The following GATAD2B variants were observed in gnomAD, a reference collection of about 807,000 sequenced individuals.
The protein encoded by GATAD2B is transcriptional repressor p66-beta.
In GATAD2B, 8 loss-of-function variants were observed where a neutral mutation model predicts 64.3. The observed-to-expected ratio is 0.12, with a 90% confidence interval of 0.07 to 0.22. GATAD2B has a LOEUF of 0.22. GATAD2B is among the 10% of genes least tolerant of loss of function. GATAD2B has a pLI of 1.00. For synonymous variants in GATAD2B, 281 were observed against 271.3 expected (o/e 1.04, Z -0.35); for missense variants, 453 against 752.0 (o/e 0.60, Z 4.65).
intron 1 of GATAD2B, among the ~76,000 whole-genome samples, chr1:153,830,715 T>G (rs535674147): frequency 6.6e-6 from 1 of 151,826 alleles, no homozygotes; most frequent in East Asian, 1.9e-4. Context: ...GACCTCGTGA[T>G]CCGCCCGCCT....
chr1:153,901,856 T>TAAC (rs59672637), intron 1 of GATAD2B, among the ~76,000 whole-genome samples: 1 of 142,292 alleles, frequency 7.0e-6, no homozygotes, highest in Non-Finnish European at 1.5e-5. Flanking sequence ...AATAAATAAA[T>TAAC]TAAATAAAAT....
chr1:153,865,415 C>T (rs371205629), intron 1 of GATAD2B, among the ~76,000 whole-genome samples: 1 of 151,848 alleles, frequency 6.6e-6, no homozygotes, highest in Non-Finnish European at 1.5e-5. Flanking sequence ...GAGCTGAGAT[C>T]GTGCCACTGC....
intron 2 of GATAD2B, among the ~76,000 whole-genome samples, chr1:153,823,487 A>T (rs546036733): frequency 1.3e-5 from 2 of 152,314 alleles, no homozygotes; most frequent in Non-Finnish European, 2.9e-5. Flanking sequence ...TTATGTTAAG[A>T]ACTTCTCTTG....
chr1:153,813,123 T>C, intron 8 of GATAD2B, 127 bp downstream of exon 8: 2 of 704,408 alleles, frequency 2.8e-6, no homozygotes, highest in Non-Finnish European at 5.1e-6. Flanking sequence ...GACACAATGA[T>C]AAGGAGACAA....
chr1:153,852,979 A>G, intron 1 of GATAD2B: 3 of 983,630 alleles, frequency 3.0e-6, no homozygotes, highest in African/African-American at 1.6e-5. Flanking sequence ...GGTCTTCTCC[A>G]CAGTGCCAGT....
rs1676783772 is a variant in GATAD2B at position 153,875,136 on chromosome 1, C to T, written c.-1-46788G>A. Among the ~76,000 whole-genome samples the T allele has an allele frequency of 2.6e-5, 4 of 152,212 alleles. No homozygotes were observed. In the South Asian group the frequency reaches 8.3e-4, roughly 32 times the overall value. On this transcript the variant is annotated intron_variant, in intron 1 of 10. Coordinates refer to ENST00000368655, the MANE Select transcript of GATAD2B (RefSeq NM_020699.4). ...CAAGTGATCCTCTTGCCTAGGCCTC[C>T]CAAAGTGCTGGAATTACAGGTGTAA...
chr1:153,864,923 A>T (rs1229803882), intron 1 of GATAD2B, among the ~76,000 whole-genome samples: 2 of 151,918 alleles, frequency 1.3e-5, no homozygotes, highest in Non-Finnish European at 2.9e-5. Context: ...ACAAAAAATC[A>T]GCTGGGCACA....
At chr1:153,900,730 G>A (rs1183015438) in intron 1 of GATAD2B, among the ~76,000 whole-genome samples, 1 of 152,052 alleles carries the variant, frequency 6.6e-6, no homozygotes, top group Non-Finnish European at 1.5e-5. Flanking sequence ...AGGTTTTGGA[G>A]GCCTTAACAT....
rs542241835 is a variant in GATAD2B at position 153,828,892 on chromosome 1, G to T, written c.-1-544C>A. Among the ~76,000 whole-genome samples, 372 of 152,070 alleles carry T rather than the reference G, an allele frequency of 2.4e-3. 2 individuals are homozygous for T. The highest frequency in any genetic ancestry group is 8.6e-3 in the African/African-American group (358 of 41,488). On this transcript the variant is annotated intron_variant, in intron 1 of 10. Coordinates refer to ENST00000368655, the MANE Select transcript of GATAD2B (RefSeq NM_020699.4). ...AATCATTATCTTCCCTTTTCACTTT[G>T]ATTTTTTTTACACTAACAAAATCTA...
intron 1 of GATAD2B, among the ~76,000 whole-genome samples, chr1:153,888,537 T>C (rs370931563): frequency 3.3e-5 from 5 of 152,210 alleles, no homozygotes; most frequent in Admixed American, 2.0e-4. Context: ...CCCTCTATCT[T>C]TGCAGGGGGA....
intron 1 of GATAD2B, among the ~76,000 whole-genome samples, chr1:153,914,923 T>C (rs1678217312): frequency 1.3e-5 from 2 of 151,800 alleles, no homozygotes; most frequent in African/African-American, 4.8e-5. Context: ...CAAGGCTGTG[T>C]TTCAAAAGAA....
chr1:153,815,529 AG>A (rs1469429990), intron 7 of GATAD2B, among the ~76,000 whole-genome samples: 4 of 152,092 alleles, frequency 2.6e-5, no homozygotes, highest in Non-Finnish European at 5.9e-5. Flanking sequence ...TTTCACTTAA[AG>A]TCACAGTTTC....
Position 153,812,050 on chromosome 1 carries a change from G to A in GATAD2B, c.1502C>T (p.Thr501Ile). The A allele has an allele frequency of 6.2e-7, 1 of 1,610,154 alleles. No individual in the cohort carries two copies. Among genetic ancestry groups the A allele is most frequent in the Non-Finnish European group, 8.5e-7 (1 of 1,176,738 alleles). Residue 501 changes from threonine (T) to isoleucine (I), a missense_variant, in exon 9 of 11, where the codon ACC becomes ATC. Coordinates refer to ENST00000368655, the MANE Select transcript of GATAD2B (RefSeq NM_020699.4). ...CCGAAGCGTATGATGTCTCATGATG[G>A]TCTCTTGTTTACTGACACTGGACAC... Reference protein sequence around the residue: ...PAVSSVSKQETIMRHHTLRQA... With the variant: ...PAVSSVSKQEIIMRHHTLRQA...
intron 1 of GATAD2B, among the ~76,000 whole-genome samples, chr1:153,913,722 T>A (rs1030843508): frequency 3.5e-5 from 5 of 142,940 alleles, no homozygotes; most frequent in Non-Finnish European, 7.7e-5. Flanking sequence ...ATCGAGACCA[T>A]CCTGGCTAAC....
chr1:153,885,939 T>C (rs926614104), intron 1 of GATAD2B, among the ~76,000 whole-genome samples: 1 of 151,252 alleles, frequency 6.6e-6, no homozygotes, highest in Non-Finnish European at 1.5e-5. Flanking sequence ...TGATAAATGC[T>C]GTCTGGGAGG....
At chr1:153,834,170 T>C (rs1221580537) in intron 1 of GATAD2B, among the ~76,000 whole-genome samples, 1 of 150,750 alleles carries the variant, frequency 6.6e-6, no homozygotes, top group African/African-American at 2.4e-5. Flanking sequence ...GCCCAGCTAA[T>C]TTTTTGTATT....
At chr1:153,843,054 T>G (rs1675554748) in intron 1 of GATAD2B, among the ~76,000 whole-genome samples, 1 of 148,766 alleles carries the variant, frequency 6.7e-6, no homozygotes, top group South Asian at 2.1e-4. Flanking sequence ...TGGGCTCAAG[T>G]GATCCTCCCG....
intron 1 of GATAD2B, chr1:153,853,115 C>A: frequency 6.8e-7 from 1 of 1,465,770 alleles, no homozygotes; most frequent in East Asian, 2.3e-5. Flanking sequence ...GAGTTGATGG[C>A]TGATTCAGAA....
Position 153,808,292 on chromosome 1 carries a change from A to C in GATAD2B, c.*1885T>G, listed in dbSNP as rs1674170911. 6.6e-6 allele frequency: 1 copy of C among 152,496 alleles called. No homozygotes were observed. Among genetic ancestry groups the C allele is most frequent in the African/African-American group, 2.4e-5 (1 of 41,398 alleles). The allele number at this position is 152,496 out of a possible 1,614,324, so 9.4% of individuals were successfully genotyped here. ...CTCAATGAATTTGGGGTAAGGGAGG[A>C]AAGAAAAAAGCCAGGAAGGCCCGTA... is the stretch of plus-strand genomic sequence containing the variant. On this transcript the variant is annotated 3_prime_UTR_variant, in exon 11 of 11. Transcript: ENST00000368655.
Sources: allele counts gnomAD v4.1 joint callset (sites outside exome capture counted in the v4.1 genomes callset), GRCh38; gene constraint gnomAD v4.1.1; transcripts MANE v1.5; gene names NCBI Gene and HGNC (gene_info 2026-07-23, HGNC 2026-07-21).